Variants in KLHL13 observed in about 807,000 individuals in gnomAD.
The protein encoded by KLHL13 is kelch-like protein 13.
A neutral mutation model predicts 37.1 loss-of-function variants in KLHL13; 10 were observed. The observed-to-expected ratio is 0.27, with a 90% CI of 0.17 to 0.46. KLHL13 has a LOEUF of 0.46. Ranked by LOEUF, KLHL13 falls within the 20% of genes least tolerant of loss-of-function variation. The pLI, the probability that KLHL13 is intolerant of heterozygous loss-of-function variation, is 1.00. For missense variants in KLHL13, 360 were observed against 509.3 expected (o/e 0.71, Z 2.82); for synonymous variants, 163 against 181.2 (o/e 0.90, Z 0.81).
intron 1 of KLHL13, among the ~76,000 whole-genome samples, chrX:118,075,835 T>C (rs770861859): frequency 5.0e-4 from 56 of 111,889 alleles, no homozygotes; most frequent in African/African-American, 1.8e-3. Context: ...TAACTGAAGG[T>C]TGGGTATGCT....
chrX:118,009,229 T>C (rs901628709), intron 1 of KLHL13, among the ~76,000 whole-genome samples: 1 of 96,225 alleles, frequency 1.0e-5, no homozygotes, highest in African/African-American at 3.8e-5. Flanking sequence ...TAGTTTCTTT[T>C]GCTGTGCAGA....
At chrX:118,069,774 GA>G (rs755420075) in intron 1 of KLHL13, among the ~76,000 whole-genome samples, 1 of 111,399 alleles carries the variant, frequency 9.0e-6, no homozygotes, top group Non-Finnish European at 1.9e-5. Context: ...TATTACCAAA[GA>G]AAAAATATTT....
chrX:117,952,023 T>G (rs2147825228), intron 1 of KLHL13, among the ~76,000 whole-genome samples: 1 of 111,657 alleles, frequency 9.0e-6, no homozygotes, highest in African/African-American at 3.3e-5. Context: ...AAGCTACCAA[T>G]GACTTTCTTC....
chrX:118,069,603 A>G (rs2054835036), intron 1 of KLHL13, among the ~76,000 whole-genome samples: 1 of 110,683 alleles, frequency 9.0e-6, no homozygotes, highest in Non-Finnish European at 1.9e-5. Context: ...TGCTTATATA[A>G]AGAAATTATA....
At position 118,099,960 on chromosome X, in the gene KLHL13, C is replaced by A. The variant is rs900917043; in HGVS notation, c.-56+16548G>T. On this transcript the variant is annotated intron_variant, in intron 1 of 6. Coordinates refer to the KLHL13 transcript ENST00000371882. ...GAAGGAAGGAAGGAAAGGAAGACAC[C>A]CTTGACTATACAAATGAGCTATACT... Among the ~76,000 whole-genome samples, 3 of 102,977 alleles carry A rather than the reference C, an allele frequency of 2.9e-5. No individual in the cohort carries two copies. In the Admixed American group the frequency reaches 3.0e-4, roughly 10 times the overall value. 89.4% of individuals were successfully genotyped at this position (102,977 alleles called of 115,157 possible).
intron 1 of KLHL13, among the ~76,000 whole-genome samples, chrX:118,052,031 C>A (rs918213955): frequency 3.6e-5 from 4 of 110,704 alleles, no homozygotes; most frequent in Admixed American, 9.6e-5. Flanking sequence ...AGAGTCGAAT[C>A]TAAAAATAGA....
chrX:118,006,400 G>C (rs1185506453), intron 1 of KLHL13, among the ~76,000 whole-genome samples: 1 of 110,260 alleles, frequency 9.1e-6, no homozygotes, highest in Non-Finnish European at 1.9e-5. Flanking sequence ...CCAAACCTCT[G>C]GGTACTCATG....
chrX:118,026,270 C>T (rs982710446), intron 1 of KLHL13, among the ~76,000 whole-genome samples: 27 of 111,562 alleles, frequency 2.4e-4, no homozygotes, highest in African/African-American at 8.8e-4. Flanking sequence ...TAAAATCTCA[C>T]TTTTATATTT....
chrX:118,046,256 A>G (rs2054558515), intron 1 of KLHL13, among the ~76,000 whole-genome samples: 1 of 112,377 alleles, frequency 8.9e-6, no homozygotes, highest in African/African-American at 3.2e-5. Flanking sequence ...ATGGAACTGG[A>G]GGACATTGTG....
intron 1 of KLHL13, among the ~76,000 whole-genome samples, chrX:118,002,117 A>G (rs1462601853): frequency 9.0e-6 from 1 of 111,267 alleles, no homozygotes; most frequent in Non-Finnish European, 1.9e-5. Context: ...ACAAGACAAT[A>G]ATTATTCAGT....
At chrX:118,041,363 C>A (rs1405947729) in intron 1 of KLHL13, among the ~76,000 whole-genome samples, 1 of 110,658 alleles carries the variant, frequency 9.0e-6, no homozygotes, top group African/African-American at 3.3e-5. Flanking sequence ...CCTGTCTCTA[C>A]AAAAAACACA....
intron 1 of KLHL13, among the ~76,000 whole-genome samples, chrX:118,080,492 G>A (rs2054979085): frequency 9.1e-6 from 1 of 110,430 alleles, no homozygotes; most frequent in African/African-American, 3.3e-5. Flanking sequence ...TATACAAGCA[G>A]CCAACAAGCA....
At chrX:118,066,816 T>C (rs980640584) in intron 1 of KLHL13, among the ~76,000 whole-genome samples, 9 of 111,580 alleles carry the variant, frequency 8.1e-5, no homozygotes, top group Non-Finnish European at 1.3e-4. Flanking sequence ...TTTTCCTTAA[T>C]GGGCAAAAAT....
At chrX:118,022,507 T>G (rs1279144219) in intron 1 of KLHL13, among the ~76,000 whole-genome samples, 1 of 111,798 alleles carries the variant, frequency 8.9e-6, no homozygotes, top group Non-Finnish European at 1.9e-5. Flanking sequence ...TTGCTATCAT[T>G]TGTCTTTCTG....
At chrX:117,960,568 G>A (rs1226774375) in intron 1 of KLHL13, among the ~76,000 whole-genome samples, 1 of 112,254 alleles carries the variant, frequency 8.9e-6, no homozygotes, top group African/African-American at 3.2e-5. Context: ...ATATGCCACT[G>A]CTAGCTAATT....
intron 1 of KLHL13, among the ~76,000 whole-genome samples, chrX:118,083,732 G>A (rs774890245): frequency 7.2e-5 from 8 of 111,343 alleles, no homozygotes; most frequent in East Asian, 5.7e-4. Context: ...TGTTCTCACC[G>A]TGAAGAAATG....
chrX:118,111,667 T>C (rs1450469125), intron 1 of KLHL13, among the ~76,000 whole-genome samples: 1 of 112,179 alleles, frequency 8.9e-6, no homozygotes, highest in Admixed American at 9.4e-5. Flanking sequence ...CCGAGGCAGG[T>C]GGATCACGAG....
In KLHL13 at chrX:118,070,916, CCCA is replaced by C. The variant is rs765790441; in HGVS notation, c.-56+45589_-56+45591del. On this transcript the variant is annotated intron_variant, in intron 1 of 6. Coordinates refer to the KLHL13 transcript ENST00000371882. ...TGCTATCCCTCCCCCCTTCCCCCAC[CCCA>C]CAACAGTCCCCAGAGTGTGATGTTC... 7.8e-3 allele frequency among the ~76,000 whole-genome samples: 844 copies of C among 107,891 alleles called. 9 individuals are homozygous for C. The highest frequency in any genetic ancestry group is 0.025 in the African/African-American group (740 of 29,618). The allele number at this position is 107,891 out of a possible 115,157, so 93.7% of individuals were successfully genotyped here.
chrX:118,077,481 T>C (rs1417434998), intron 1 of KLHL13, among the ~76,000 whole-genome samples: 1 of 109,151 alleles, frequency 9.2e-6, no homozygotes, highest in African/African-American at 3.3e-5. Context: ...GGGTGCATTA[T>C]GATTAAGGAA....
Sources: allele counts gnomAD v4.1 joint callset (sites outside exome capture counted in the v4.1 genomes callset), GRCh38; gene constraint gnomAD v4.1.1; transcripts MANE v1.5; gene names NCBI Gene and HGNC (gene_info 2026-07-23, HGNC 2026-07-21).